The following PDZRN4 variants were observed in gnomAD, a reference collection of about 807,000 sequenced individuals.
The protein encoded by PDZRN4 is PDZ domain-containing RING finger protein 4.
In PDZRN4, 70 loss-of-function variants were observed where a neutral mutation model predicts 99.0. The ratio of observed to expected loss-of-function variants is 0.71; its 90% CI spans 0.58 to 0.86. The LOEUF is 0.86. PDZRN4 is among the 40% of genes least tolerant of loss of function. The pLI is 0.00. For synonymous variants in PDZRN4, 551 were observed against 501.6 expected (o/e 1.10, Z -1.32); for missense variants, 1,474 against 1,331.2 (o/e 1.11, Z -1.67).
At chr12:41,241,559 C>T (rs1951101961) in intron 3 of PDZRN4, among the ~76,000 whole-genome samples, 1 of 151,088 alleles carries the variant, frequency 6.6e-6, no homozygotes, top group African/African-American at 2.5e-5. Context: ...TCAGTTCCCT[C>T]ATCTATAAAA....
intron 3 of PDZRN4, among the ~76,000 whole-genome samples, chr12:41,289,549 A>G (rs73122813): frequency 0.056 from 8,593 of 152,256 alleles, 268 homozygotes; most frequent in Non-Finnish European, 0.062. Context: ...AAGATGGTCA[A>G]TTTCTAAGGA....
At chr12:41,570,172 G>C (rs997530220) in intron 9 of PDZRN4, among the ~76,000 whole-genome samples, 2 of 152,144 alleles carry the variant, frequency 1.3e-5, no homozygotes, top group African/African-American at 4.8e-5. Context: ...GATTCTCATT[G>C]TGTGGAATTT....
At position 41,506,535 on chromosome 12, in the gene PDZRN4, T is replaced by G; in HGVS notation, c.923T>G (p.Val308Gly). 2 of 1,613,776 alleles carry G rather than the reference T, an allele frequency of 1.2e-6. No homozygotes were observed. The highest frequency in any genetic ancestry group is 2.2e-5 in the South Asian group (2 of 91,068). ...CGCAATGCCAAGGAGCCCATTGTGG[T>G]GCAGGTGTTAAGGCGAACACCTCTT... ...AFRNAKEPIV[V>G]QVLRRTPLSR... Residue 308 changes from valine to glycine, a missense_variant, in exon 4 of 10, where the codon GTG becomes GGG. Val to Gly is a moderately radical substitution (Grantham distance 109). Transcript: ENST00000402685.
At chr12:41,467,590 A>T (rs532901974) in intron 3 of PDZRN4, among the ~76,000 whole-genome samples, 2 of 152,338 alleles carry the variant, frequency 1.3e-5, no homozygotes, top group South Asian at 4.1e-4. Context: ...TCACTATGAT[A>T]GGGCTTCACC....
intron 3 of PDZRN4, among the ~76,000 whole-genome samples, chr12:41,229,887 T>A (rs1951017257): frequency 6.6e-6 from 1 of 152,068 alleles, no homozygotes; most frequent in South Asian, 2.1e-4. Context: ...TCCAACTGTA[T>A]ATATTTTTTT....
intron 3 of PDZRN4, among the ~76,000 whole-genome samples, chr12:41,405,665 C>CT (rs1253138772): frequency 6.6e-6 from 1 of 152,116 alleles, no homozygotes; most frequent in East Asian, 1.9e-4. Context: ...TATTGCCATG[C>CT]TATTCACAAG....
intron 3 of PDZRN4, among the ~76,000 whole-genome samples, chr12:41,197,896 T>C (rs1950784852): frequency 6.7e-6 from 1 of 148,672 alleles, no homozygotes; most frequent in African/African-American, 2.4e-5. Flanking sequence ...TTCTTCTTCT[T>C]CTTCTTTTCC....
At chr12:41,202,709 T>C (rs1037773964) in intron 3 of PDZRN4, among the ~76,000 whole-genome samples, 3 of 152,130 alleles carry the variant, frequency 2.0e-5, no homozygotes, top group African/African-American at 7.2e-5. Context: ...ATAGACATTA[T>C]TCATTATGTG....
intron 9 of PDZRN4, among the ~76,000 whole-genome samples, chr12:41,572,160 G>C (rs183699537): frequency 2.6e-5 from 4 of 152,212 alleles, no homozygotes; most frequent in African/African-American, 9.6e-5. Flanking sequence ...ATTCAAGCGG[G>C]TTTTGTTTTC....
intron 3 of PDZRN4, among the ~76,000 whole-genome samples, chr12:41,228,771 C>A (rs1331285367): frequency 1.3e-5 from 2 of 151,984 alleles, no homozygotes; most frequent in African/African-American, 4.8e-5. Flanking sequence ...AACAATGTTC[C>A]TTAGTACTTC....
chr12:41,483,200 C>T (rs1341886753), intron 3 of PDZRN4, among the ~76,000 whole-genome samples: 2 of 151,938 alleles, frequency 1.3e-5, no homozygotes, highest in Non-Finnish European at 2.9e-5. Flanking sequence ...CCTCCACAAC[C>T]AAAGTTGATT....
At chr12:41,305,808 C>G (rs1336711953) in intron 3 of PDZRN4, among the ~76,000 whole-genome samples, 1 of 152,126 alleles carries the variant, frequency 6.6e-6, no homozygotes, top group East Asian at 1.9e-4. Context: ...TACATTTGTT[C>G]CATCTTGACA....
chr12:41,355,200 G>GAAC (rs1951918272), intron 3 of PDZRN4, among the ~76,000 whole-genome samples: 1 of 152,072 alleles, frequency 6.6e-6, no homozygotes, highest in African/African-American at 2.4e-5. Flanking sequence ...CAGAGGGAGT[G>GAAC]AACAGATGAT....
chr12:41,535,732 C>T (rs285558), intron 5 of PDZRN4, among the ~76,000 whole-genome samples: 1 of 151,876 alleles, frequency 6.6e-6, no homozygotes, highest in Non-Finnish European at 1.5e-5. Context: ...AAAAATGGTG[C>T]ATTTGGTCCC....
At chr12:41,548,152 A>G (rs1010121205) in intron 5 of PDZRN4, among the ~76,000 whole-genome samples, 2 of 152,206 alleles carry the variant, frequency 1.3e-5, no homozygotes, top group African/African-American at 4.8e-5. Context: ...TGGAGGGTGC[A>G]AACCTGAAAT....
At chr12:41,572,307 A>G in intron 9 of PDZRN4, 57 bp from the exon 10 acceptor site, 1 of 1,443,650 alleles carries the variant, frequency 6.9e-7, no homozygotes, top group African/African-American at 1.4e-5. Context: ...GATTTTTAAT[A>G]ACAAATGTCT....
At chr12:41,268,793 G>T (rs897341650) in intron 3 of PDZRN4, among the ~76,000 whole-genome samples, 2 of 152,094 alleles carry the variant, frequency 1.3e-5, no homozygotes, top group Non-Finnish European at 2.9e-5. Context: ...ATTTGAAGAG[G>T]TTGGTGTGTT....
chr12:41,252,837 GA>G (rs1342310817), intron 3 of PDZRN4, among the ~76,000 whole-genome samples: 13 of 152,160 alleles, frequency 8.5e-5, no homozygotes. Context: ...TGAACATTAG[GA>G]AATATTTTGA....
intron 5 of PDZRN4, among the ~76,000 whole-genome samples, chr12:41,549,135 AT>A (rs1939011872): frequency 6.6e-6 from 1 of 152,140 alleles, no homozygotes; most frequent in South Asian, 2.1e-4. Context: ...CTTGGCATTG[AT>A]TTGTATACAC....
Sources: gnomAD v4.1 joint callset for allele counts (sites outside exome capture counted in the v4.1 genomes callset) on GRCh38, gnomAD v4.1.1 for gene constraint, MANE v1.5 for transcripts, NCBI Gene and HGNC (gene_info 2026-07-23, HGNC 2026-07-21) for gene names.